The following CHD1 variants were observed in gnomAD, a reference collection of about 807,000 sequenced individuals.
CHD1 encodes chromodomain helicase DNA binding protein 1.
CHD1 carries 36 observed loss-of-function variants against 224.2 expected under a neutral mutation model. The observed-to-expected ratio is 0.16, with a 90% confidence interval of 0.12 to 0.21. The LOEUF (loss-of-function observed/expected upper bound fraction) is 0.21, where lower values mean the gene tolerates loss of function less well. Among genes scored for constraint, CHD1 ranks in the 10% least tolerant of loss-of-function variants. CHD1 has a pLI of 1.00. For missense variants in CHD1, 1,378 were observed against 1,994.8 expected (o/e 0.69, Z 5.89); for synonymous variants, 668 against 658.3 (o/e 1.01, Z -0.23).
chr5:98,898,261 A>C lies in CHD1; in HGVS notation c.1360T>G (p.Cys454Gly), dbSNP rs932246625. The change falls in exon 10 of 36, where the codon TGC becomes GGC. Residue 454 changes from cysteine to glycine, a missense_variant. Physicochemically the swap from Cys to Gly is radical, Grantham distance 159. Around this residue, in one of 16 missense-constraint regions of CHD1, gnomAD observed 86 missense variants for 97.7 expected, o/e 0.88. Coordinates refer to ENST00000614616, the MANE Select transcript of CHD1 (RefSeq NM_001270.4). Reference sequence around the variant, plus strand: ...AAATGTTAGACAATACTCACTTTGCAATCTTTAAAAGGAGTGGTTTTTGAT... The same window carrying C: ...AAATGTTAGACAATACTCACTTTGCCATCTTTAAAAGGAGTGGTTTTTGAT... ...NQSKTTPFKD[C>G]KVLKQRPRFV... 1.9e-5 allele frequency: 29 copies of C among 1,498,870 alleles called. No homozygotes were observed. Among genetic ancestry groups the C allele is most frequent in the Non-Finnish European group, 2.4e-5 (27 of 1,123,556 alleles). The allele number at this position is 1,498,870 out of a possible 1,614,324, so 92.8% of individuals were successfully genotyped here.
chr5:98,878,043 G>A (rs1222439736), intron 23 of CHD1, among the ~76,000 whole-genome samples: 1 of 152,200 alleles, frequency 6.6e-6, no homozygotes, highest in Non-Finnish European at 1.5e-5. Flanking sequence ...ACAGGTGACA[G>A]AAATCAAGTA....
At chr5:98,892,994 T>C (rs1303796682) in intron 14 of CHD1, among the ~76,000 whole-genome samples, 2 of 152,134 alleles carry the variant, frequency 1.3e-5, no homozygotes, top group Non-Finnish European at 2.9e-5. Context: ...CAAAAAAATA[T>C]ACTTTTAAAG....
chr5:98,899,238 AGTT>A (rs1751534907), intron 8 of CHD1, among the ~76,000 whole-genome samples: 1 of 152,182 alleles, frequency 6.6e-6, no homozygotes, highest in Non-Finnish European at 1.5e-5. Flanking sequence ...CAGTGCAAAT[AGTT>A]GTTACATGGT....
At chr5:98,922,810 G>C (rs1455152158) in intron 2 of CHD1, among the ~76,000 whole-genome samples, 1 of 152,082 alleles carries the variant, frequency 6.6e-6, no homozygotes, top group Admixed American at 6.6e-5. Flanking sequence ...CCAACATGAC[G>C]AAACACCGTC....
chr5:98,898,368 T>A lies in CHD1; in HGVS notation c.1253A>T (p.Tyr418Phe), dbSNP rs1388887912. ...DYYCKWQGLPYSECSWEDGAL... is the reference protein window; with the variant it reads ...DYYCKWQGLPFSECSWEDGAL... The stretch of plus-strand genomic sequence containing the variant: ...TCCATCTTCCCAGCTGCACTCTGAG[T>A]ATGGAAGGCCCTGCCATTTGCAGTA... The change falls in exon 10 of 36, where the codon TAC (tyrosine) becomes TTC (phenylalanine). Residue 418 changes from tyrosine to phenylalanine, a missense_variant. Tyr to Phe is a conservative substitution (Grantham distance 22, BLOSUM62 3). Transcript: ENST00000614616. The A allele has an allele frequency of 6.2e-7, 1 of 1,601,932 alleles. No homozygotes were observed.
chr5:98,890,416 T>G (rs899474990), intron 15 of CHD1, among the ~76,000 whole-genome samples: 1 of 152,152 alleles, frequency 6.6e-6, no homozygotes, highest in Non-Finnish European at 1.5e-5. Flanking sequence ...ATAAAGAATA[T>G]TTTTCCTTAT....
chr5:98,901,457 A>G (rs1751707131), intron 5 of CHD1, 122 bp from the exon 6 acceptor site: 2 of 688,108 alleles, frequency 2.9e-6, no homozygotes, highest in Admixed American at 3.6e-5. Flanking sequence ...GCTTTTACTC[A>G]TGCTAAAAAT....
Position 98,871,167 on chromosome 5 carries a change from T to C in CHD1, c.3862-364A>G, listed in dbSNP as rs1000736210. On this transcript the variant is annotated intron_variant, in intron 28 of 35. Transcript: ENST00000614616. The stretch of plus-strand genomic sequence containing the variant: ...TCAGTAAAAGTGTACTTATATATAA[T>C]GTACACAGAAATTCCTAGACTACAA... 4.6e-5 allele frequency among the ~76,000 whole-genome samples: 7 copies of C among 151,962 alleles called. No homozygotes were observed. In the East Asian group the frequency reaches 5.8e-4, roughly 13 times the overall value.
At chr5:98,896,114 C>T in intron 12 of CHD1, 112 bp downstream of exon 12, 1 of 846,558 alleles carries the variant, frequency 1.2e-6, no homozygotes, top group East Asian at 2.6e-5. Context: ...AAGATCATAC[C>T]ACTGCACTCC....
Position 98,893,340 on chromosome 5 carries a change from T to A in CHD1, c.1991+76A>T, listed in dbSNP as rs770922419. 12 of 971,094 alleles carry A rather than the reference T, an allele frequency of 1.2e-5. No individual in the cohort carries two copies. The Admixed American group carries it at 3.4e-4, about 28-fold the overall frequency. The allele number at this position is 971,094 out of a possible 1,614,324, so 60.2% of individuals were successfully genotyped here. A position where few individuals can be genotyped will look rare whatever the true frequency, so the allele number is the denominator to read the frequency against. The stretch of plus-strand genomic sequence containing the variant: ...CTTTTAGGGCAATAAAAACTCTTAC[T>A]GACCTTATTACCTGGGTTTATTCCC... On this transcript the variant is annotated intron_variant, in intron 14 of 35. Transcript: ENST00000614616.
chr5:98,869,253 G>T (rs1379160236), intron 30 of CHD1: 5 of 984,516 alleles, frequency 5.1e-6, no homozygotes, highest in Non-Finnish European at 6.0e-6. Flanking sequence ...TTTTTATTTG[G>T]ATGTTTCACA....
chr5:98,877,288 A>G lies in CHD1; in HGVS notation c.3238-730T>C, dbSNP rs1189448715. ...TTGTAGAATAATTAACATTCATGAC[A>G]TACTGTCAAAAAGAAGAAAAAGTTC... is the stretch of plus-strand genomic sequence containing the variant. On this transcript the variant is annotated intron_variant, in intron 23 of 35. Coordinates refer to ENST00000614616, the MANE Select transcript of CHD1 (RefSeq NM_001270.4). Among the ~76,000 whole-genome samples the G allele has an allele frequency of 4.6e-5, 7 of 152,366 alleles. No homozygotes were observed. The East Asian group carries it at 1.3e-3, about 29-fold the overall frequency.
At chr5:98,925,298 T>A (rs1441625674) in intron 2 of CHD1, among the ~76,000 whole-genome samples, 1 of 152,198 alleles carries the variant, frequency 6.6e-6, no homozygotes, top group African/African-American at 2.4e-5. Flanking sequence ...AGTCTCACTA[T>A]GCTGCCTAAA....
intron 2 of CHD1, among the ~76,000 whole-genome samples, chr5:98,912,370 TAAAG>T (rs909525775): frequency 1.3e-5 from 2 of 152,052 alleles, no homozygotes; most frequent in African/African-American, 2.4e-5. Context: ...AAATGAACAT[TAAAG>T]AAGGCAAATG....
chr5:98,902,301 TG>T (rs1436071537), intron 5 of CHD1, among the ~76,000 whole-genome samples: 1 of 152,088 alleles, frequency 6.6e-6, no homozygotes, highest in Non-Finnish European at 1.5e-5. Context: ...TAAAAATGCA[TG>T]AATCTTTTTT....
Position 98,928,621 on chromosome 5 carries a change from C to T in CHD1, c.-231G>A, listed in dbSNP as rs1172999314. On this transcript the variant is annotated 5_prime_UTR_variant, in exon 1 of 36. Coordinates refer to ENST00000614616, the MANE Select transcript of CHD1 (RefSeq NM_001270.4). ...AGGCCCGGGATCTCCGCCGCCCAGT[C>T]CTAGGGCTCCGGCGTCTCGGGGTAA... 1.3e-5 allele frequency: 2 copies of T among 152,278 alleles called. No homozygotes were observed. Among genetic ancestry groups the T allele is most frequent in the African/African-American group, 4.8e-5 (2 of 41,454 alleles). The allele number at this position is 152,278 out of a possible 1,614,324, so 9.4% of individuals were successfully genotyped here.
At chr5:98,917,904 A>G (rs942228994) in intron 2 of CHD1, among the ~76,000 whole-genome samples, 41 of 152,166 alleles carry the variant, frequency 2.7e-4, no homozygotes, top group African/African-American at 9.4e-4. Context: ...TCAGTCATAT[A>G]TACAAGTTGA....
intron 23 of CHD1, among the ~76,000 whole-genome samples, chr5:98,877,732 C>T (rs930352777): frequency 1.3e-5 from 2 of 152,124 alleles, no homozygotes; most frequent in South Asian, 4.1e-4. Context: ...TGCATTCTCA[C>T]ACACTCTAAA....
intron 2 of CHD1, among the ~76,000 whole-genome samples, chr5:98,911,663 A>C (rs1011332267): frequency 3.9e-5 from 6 of 152,212 alleles, no homozygotes; most frequent in African/African-American, 1.4e-4. Context: ...ACACTTTAGA[A>C]GATATATCAT....
Sources: allele counts gnomAD v4.1 joint callset (sites outside exome capture counted in the v4.1 genomes callset), GRCh38; gene constraint gnomAD v4.1.1; regional missense constraint gnomAD v4.1.1; transcripts MANE v1.5; gene names NCBI Gene and HGNC (gene_info 2026-07-23, HGNC 2026-07-21).